Variants in KIAA1671 observed in about 807,000 individuals in gnomAD.
KIAA1671 encodes the protein uncharacterized protein KIAA1671.
KIAA1671 carries 52 observed loss-of-function variants against 131.2 expected under a neutral mutation model. That is an observed-to-expected ratio of 0.40 (90% CI 0.32 to 0.50). The LOEUF is 0.50. Ranked by LOEUF, KIAA1671 falls within the 20% of genes least tolerant of loss-of-function variation. The pLI is 0.73. For synonymous variants in KIAA1671, 1,003 were observed against 961.6 expected (o/e 1.04, Z -0.80); for missense variants, 2,360 against 2,364.2 (o/e 1.00, Z 0.04).
intron 10 of KIAA1671, among the ~76,000 whole-genome samples, chr22:25,182,181 A>AAAAAAAAC (rs1311499082): frequency 1.8e-4 from 22 of 122,824 alleles, no homozygotes; most frequent in African/African-American, 7.7e-4. Context: ...TCCATCTCAA[A>AAAAAAAAC]AAAAAAACAA....
chr22:25,027,589 A>G (rs1463862005), intron 2 of KIAA1671, among the ~76,000 whole-genome samples: 1 of 152,160 alleles, frequency 6.6e-6, no homozygotes, highest in Non-Finnish European at 1.5e-5. Context: ...GGGTGACTCC[A>G]GTTACTTGGC....
intron 6 of KIAA1671, chr22:25,058,413 T>A (rs1927970806): frequency 6.6e-6 from 1 of 152,178 alleles, no homozygotes; most frequent in South Asian, 2.1e-4. Flanking sequence ...TTACGTCCCA[T>A]CCAGGATGTA....
intron 6 of KIAA1671, chr22:25,049,963 T>C (rs1353956020): frequency 2.0e-5 from 3 of 152,442 alleles, no homozygotes; most frequent in African/African-American, 7.2e-5. Context: ...TCCTCATCTG[T>C]AGAATGGGGA....
At chr22:25,012,638 A>G (rs1335420894) in intron 1 of KIAA1671, 1 of 152,186 alleles carries the variant, frequency 6.6e-6, no homozygotes, top group Non-Finnish European at 1.5e-5. Flanking sequence ...ACTCTTTTGT[A>G]AACAAAACCA....
chr22:24,975,094 C>T (rs1454456062), intron 1 of KIAA1671, among the ~76,000 whole-genome samples: 1 of 152,170 alleles, frequency 6.6e-6, no homozygotes, highest in Non-Finnish European at 1.5e-5. Flanking sequence ...ACATTTTCAT[C>T]ACCTCCAAAA....
At position 25,117,682 on chromosome 22, in the gene KIAA1671, G is replaced by A. The variant is rs73401804; in HGVS notation, c.4531-53138G>A. ...TGGGGGAGAATTGCAAGGAAAGGATGTATAGAACTCCTGCCTTCAGAAGCT... is the reference window on the plus strand; with the variant it reads ...TGGGGGAGAATTGCAAGGAAAGGATATATAGAACTCCTGCCTTCAGAAGCT... On this transcript the variant is annotated intron_variant, in intron 6 of 12. Transcript: ENST00000358431. 1.3e-3 allele frequency among the ~76,000 whole-genome samples: 190 copies of A among 150,292 alleles called. 1 individual carries two copies. The highest frequency in any genetic ancestry group is 4.5e-3 in the African/African-American group (185 of 40,698).
At chr22:25,112,409 C>G (rs1284202497) in intron 6 of KIAA1671, 4 of 398,964 alleles carry the variant, frequency 1.0e-5, no homozygotes, top group South Asian at 1.3e-4. Context: ...TCGCAGCCAA[C>G]AGAGATTTTC....
rs147261368 is a variant in KIAA1671, at chr22:25,173,394, T to C, written c.4650-846T>C. 1.2e-4 allele frequency among the ~76,000 whole-genome samples: 19 copies of C among 152,282 alleles called. No homozygotes were observed. The East Asian group carries it at 3.5e-3, about 28-fold the overall frequency. Reference sequence around the variant, plus strand: ...ATTTTTTAGCACAATGCTTGGCACATAGTAAGTGCTCAGTAGATTTTTATT... The same window carrying C: ...ATTTTTTAGCACAATGCTTGGCACACAGTAAGTGCTCAGTAGATTTTTATT... On this transcript the variant is annotated intron_variant, in intron 7 of 12. Transcript: ENST00000358431.
intron 1 of KIAA1671, among the ~76,000 whole-genome samples, chr22:24,973,030 G>A (rs996977952): frequency 2.0e-5 from 3 of 152,280 alleles, no homozygotes; most frequent in Non-Finnish European, 2.9e-5. Context: ...TAGCAGGACC[G>A]GCAAGTGCAA....
chr22:25,159,142 A>G (rs1251366722), intron 6 of KIAA1671, among the ~76,000 whole-genome samples: 1 of 152,116 alleles, frequency 6.6e-6, no homozygotes, highest in Non-Finnish European at 1.5e-5. Context: ...GTTTGTGTTT[A>G]TAGCCTCCAA....
Position 25,174,266 on chromosome 22 carries a change from G to A in KIAA1671, c.4676G>A (p.Ser1559Asn). 2 of 1,551,654 alleles carry A rather than the reference G, an allele frequency of 1.3e-6. No homozygotes were observed. Among genetic ancestry groups the A allele is most frequent in the Non-Finnish European group, 1.7e-6 (2 of 1,146,996 alleles). ...TTGGCCACTGAGTCCCCAGATAGCAGTGCCACATCGACAAGGAAACAGCCC... is the reference window on the plus strand; with the variant it reads ...TTGGCCACTGAGTCCCCAGATAGCAATGCCACATCGACAAGGAAACAGCCC... ...ESLATESPDS[S>N]ATSTRKQPPS... Residue 1559 changes from serine to asparagine, a missense_variant, in exon 8 of 13, where the codon AGT becomes AAT. By Grantham distance (46) the Ser-to-Asn change is conservative (BLOSUM62 1). Transcript: ENST00000358431.
intron 6 of KIAA1671, among the ~76,000 whole-genome samples, chr22:25,068,425 G>GTTTTTTGT (rs1205254356): frequency 4.6e-5 from 7 of 151,712 alleles, no homozygotes; most frequent in African/African-American, 4.8e-5. Context: ...CCCTCTCCTT[G>GTTTTTTGT]TTTTTTGTTT....
intron 1 of KIAA1671, among the ~76,000 whole-genome samples, chr22:24,997,757 C>A (rs1924216865): frequency 6.6e-6 from 1 of 152,114 alleles, no homozygotes; most frequent in Non-Finnish European, 1.5e-5. Context: ...GTACACACAT[C>A]TTAGGTGTCA....
chr22:25,006,789 T>C (rs1001172024), intron 1 of KIAA1671, among the ~76,000 whole-genome samples: 2 of 152,216 alleles, frequency 1.3e-5, no homozygotes, highest in Non-Finnish European at 2.9e-5. Context: ...ACTCTGTTTC[T>C]GTCCTCACGT....
intron 6 of KIAA1671, chr22:25,112,775 A>C: frequency 5.8e-6 from 1 of 173,544 alleles, no homozygotes; most frequent in Non-Finnish European, 1.2e-5. Context: ...CCCGACACGA[A>C]AGCTCATCCT....
chr22:25,165,132 A>G (rs934980712), intron 6 of KIAA1671, among the ~76,000 whole-genome samples: 2 of 152,092 alleles, frequency 1.3e-5, no homozygotes, highest in Non-Finnish European at 2.9e-5. Flanking sequence ...GTAATGCACA[A>G]GGTTACCAGG....
At chr22:25,165,019 G>GTGTC (rs763460332) in intron 6 of KIAA1671, among the ~76,000 whole-genome samples, 1 of 146,306 alleles carries the variant, frequency 6.8e-6, no homozygotes, top group Non-Finnish European at 1.5e-5. Context: ...GTGTGTGTGT[G>GTGTC]TGTCTGTGGT....
chr22:24,961,878 T>A (rs1922037614), intron 1 of KIAA1671, among the ~76,000 whole-genome samples: 1 of 152,152 alleles, frequency 6.6e-6, no homozygotes, highest in Non-Finnish European at 1.5e-5. Flanking sequence ...GGCTCATGAT[T>A]TGTGTGGGAC....
At chr22:25,031,911 T>C (rs1926315504) in intron 3 of KIAA1671, among the ~76,000 whole-genome samples, 1 of 152,216 alleles carries the variant, frequency 6.6e-6, no homozygotes, top group African/African-American at 2.4e-5. Context: ...TGGTTTGATT[T>C]CTCTCCCTTT....
Sources: gnomAD v4.1 joint callset for allele counts (sites outside exome capture counted in the v4.1 genomes callset) on GRCh38, gnomAD v4.1.1 for gene constraint, MANE v1.5 for transcripts, NCBI Gene and HGNC (gene_info 2026-07-23, HGNC 2026-07-21) for gene names.